RNF228: variants seen among roughly 807,000 people sequenced by gnomAD.
The protein encoded by RNF228 is ring finger protein 228.
chr2:222,315,086 T>C, the RNF228 span, among the ~76,000 whole-genome samples: 10 of 151,960 alleles, frequency 6.6e-5, no homozygotes, highest in Non-Finnish European at 7.4e-5. Flanking sequence ...GTATTTTTTT[T>C]TTTTTGCCTT....
the RNF228 span, among the ~76,000 whole-genome samples, chr2:222,314,910 C>G: frequency 1.3e-5 from 2 of 152,160 alleles, no homozygotes; most frequent in African/African-American, 4.8e-5. Context: ...ACAATGTAGA[C>G]ATGTTCACAA....
the RNF228 span, among the ~76,000 whole-genome samples, chr2:222,314,859 C>T: frequency 6.6e-6 from 1 of 152,168 alleles, no homozygotes. Flanking sequence ...CTGCAATGTG[C>T]TTTTTTCCCA....
the RNF228 span, among the ~76,000 whole-genome samples, chr2:222,315,256 T>C: frequency 6.6e-6 from 1 of 152,208 alleles, no homozygotes; most frequent in African/African-American, 2.4e-5. Flanking sequence ...CCACTCACTA[T>C]GTGCCCAGAA....
the RNF228 span, among the ~76,000 whole-genome samples, chr2:222,319,792 G>C: frequency 6.7e-6 from 1 of 148,912 alleles, no homozygotes; most frequent in African/African-American, 2.4e-5. This position sits in a 1 kb window ranked among gnomAD's most constrained non-coding sequence, Gnocchi z 7.6. Context: ...GCGGCGGCGC[G>C]GAGCTGCAGC....
chr2:222,317,886 C>T, the RNF228 span: 1 of 152,090 alleles, frequency 6.6e-6, no homozygotes, highest in African/African-American at 2.4e-5. Context: ...GAATCAATTA[C>T]CAACAGGCTT....
At chr2:222,319,519 C>A in the RNF228 span, 2 of 84,172 alleles carry the variant, frequency 2.4e-5, no homozygotes, top group African/African-American at 8.5e-5. This position sits in a 1 kb window ranked among gnomAD's most constrained non-coding sequence, Gnocchi z 7.6. Flanking sequence ...GGTGGCGGGG[C>A]CGGGGTGGGC....
At chr2:222,314,605 T>C in the RNF228 span, among the ~76,000 whole-genome samples, 1 of 152,172 alleles carries the variant, frequency 6.6e-6, no homozygotes, top group African/African-American at 2.4e-5. Flanking sequence ...AAATGTGAAA[T>C]ACAAATATAG....
chr2:222,319,483 G>GCGC, the RNF228 span: 3 of 147,052 alleles, frequency 2.0e-5, no homozygotes, highest in East Asian at 5.9e-4. The surrounding 1 kb of genome is among the most constrained non-coding windows in gnomAD (Gnocchi z 7.6). Flanking sequence ...GGCGGCGGCG[G>GCGC]CTGCGGTGGG....
the RNF228 span, among the ~76,000 whole-genome samples, chr2:222,316,903 C>T: frequency 0.021 from 3,217 of 152,274 alleles, 107 homozygotes; most frequent in African/African-American, 0.073. Context: ...TGAAAAGTGA[C>T]TTTTAGTAAT....
the RNF228 span, among the ~76,000 whole-genome samples, chr2:222,314,945 G>A: frequency 6.6e-6 from 1 of 152,184 alleles, no homozygotes; most frequent in Non-Finnish European, 1.5e-5. Flanking sequence ...GTCACACAAT[G>A]CAGAACTGAT....
At chr2:222,314,494 T>TA in the RNF228 span, among the ~76,000 whole-genome samples, 1 of 152,152 alleles carries the variant, frequency 6.6e-6, no homozygotes, top group African/African-American at 2.4e-5. Context: ...ACAAATACAA[T>TA]AAAAAACATA....
chr2:222,314,711 C>T, the RNF228 span, among the ~76,000 whole-genome samples: 1 of 152,144 alleles, frequency 6.6e-6, no homozygotes, highest in African/African-American at 2.4e-5. Context: ...TGGGAAATTG[C>T]TTAGTTATTA....
chr2:222,320,143 A>G, the RNF228 span, among the ~76,000 whole-genome samples: 2 of 151,876 alleles, frequency 1.3e-5, no homozygotes, highest in Admixed American at 6.5e-5. Flanking sequence ...CCGGGCGGGG[A>G]GGAGGCGCTT....
the RNF228 span, among the ~76,000 whole-genome samples, chr2:222,319,640 G>A: frequency 6.8e-6 from 1 of 146,000 alleles, no homozygotes; most frequent in Non-Finnish European, 1.5e-5. This position sits in a 1 kb window ranked among gnomAD's most constrained non-coding sequence, Gnocchi z 7.6. Flanking sequence ...CGGCTAGCTT[G>A]GTGTTGTTGG....
chr2:222,318,303 G>A, the RNF228 span: 1 of 152,288 alleles, frequency 6.6e-6, no homozygotes, highest in Non-Finnish European at 1.5e-5. Flanking sequence ...ACCGCCCTGG[G>A]CGCGCCGCAG....
the RNF228 span, among the ~76,000 whole-genome samples, chr2:222,316,651 C>T: frequency 6.6e-6 from 1 of 152,144 alleles, no homozygotes; most frequent in Non-Finnish European, 1.5e-5. Context: ...TACACATGTA[C>T]AATGGTTACA....
chr2:222,316,768 C>G, the RNF228 span, among the ~76,000 whole-genome samples: 1 of 152,046 alleles, frequency 6.6e-6, no homozygotes, highest in Non-Finnish European at 1.5e-5. Flanking sequence ...ACTTGTGCAA[C>G]TCAACAGTTT....
chr2:222,315,415 A>G, the RNF228 span, among the ~76,000 whole-genome samples: 1 of 152,222 alleles, frequency 6.6e-6, no homozygotes, highest in Non-Finnish European at 1.5e-5. Flanking sequence ...AGTAAATCTC[A>G]TTAAGAAAGT....
the RNF228 span, among the ~76,000 whole-genome samples, chr2:222,316,184 A>G: frequency 6.6e-6 from 1 of 152,250 alleles, no homozygotes; most frequent in Non-Finnish European, 1.5e-5. Context: ...ATAAATGATT[A>G]AACCCAATCT....
Sources: gnomAD v4.1 joint callset for allele counts (sites outside exome capture counted in the v4.1 genomes callset) on GRCh38, gnomAD v4.1.1 for gene constraint, Gnocchi (gnomAD v3.1) non-coding constraint, MANE v1.5 for transcripts, NCBI Gene and HGNC (gene_info 2026-07-23, HGNC 2026-07-21) for gene names.